Variants in SNAPC1 observed in about 807,000 individuals in gnomAD.
The protein encoded by SNAPC1 is small nuclear RNA activating complex polypeptide 1.
In SNAPC1, 42 loss-of-function variants were observed where a neutral mutation model predicts 50.1. The ratio of observed to expected loss-of-function variants is 0.84; its 90% CI spans 0.65 to 1.08. The LOEUF is 1.08. Among genes scored for constraint, SNAPC1 ranks in the 50% least tolerant of loss-of-function variants. The pLI, the probability that SNAPC1 is intolerant of heterozygous loss-of-function variation, is 0.00. For missense variants in SNAPC1, 477 were observed against 427.3 expected, an observed-to-expected ratio of 1.12 and a Z score of -1.02; for synonymous variants, 164 against 144.2, an observed-to-expected ratio of 1.14 and a Z score of -0.98.
At chr14:61,763,887 AG>A (rs2140172760) in intron 1 of SNAPC1, among the ~76,000 whole-genome samples, 1 of 152,306 alleles carries the variant, frequency 6.6e-6, no homozygotes, top group South Asian at 2.1e-4. Flanking sequence ...AGATTAAATG[AG>A]CTGATATATC....
At chr14:61,767,953 T>A (rs1037794549) in intron 3 of SNAPC1, among the ~76,000 whole-genome samples, 1 of 152,192 alleles carries the variant, frequency 6.6e-6, no homozygotes, top group African/African-American at 2.4e-5. Context: ...CTAATTTTTG[T>A]ATTTTTAGTA....
intron 9 of SNAPC1, 49 bp from the exon 10 acceptor site, chr14:61,794,900 T>C (rs377224529): frequency 1.5e-6 from 2 of 1,350,878 alleles, no homozygotes; most frequent in Non-Finnish European, 1.0e-6. Context: ...TTTTGTTTGT[T>C]TTTTTTTTGT....
rs137940550 is a variant in SNAPC1, at chr14:61,762,470, C to T, written c.10C>T (p.Pro4Ser). ...GCGGGCTTCGGGTGCCATGGGGACT[C>T]CTCCCGGCCTGCAGACCGACTGCGA... MGT[P>S]PGLQTDCEAL... The change falls in exon 1 of 10, where the codon CCT (proline) becomes TCT (serine). Residue 4 changes from proline to serine, a missense_variant. By Grantham distance (74) the Pro-to-Ser change is moderately conservative. Coordinates refer to ENST00000216294, the MANE Select transcript of SNAPC1 (RefSeq NM_003082.4). 1.7e-5 allele frequency: 28 copies of T among 1,613,418 alleles called. No homozygotes were observed. Among genetic ancestry groups the T allele is most frequent in the Admixed American group, 1.7e-4 (10 of 60,010 alleles).
chr14:61,767,156 A>T (rs2044954058), intron 2 of SNAPC1, 56 bp from the exon 3 acceptor site: 2 of 1,263,364 alleles, frequency 1.6e-6, no homozygotes, highest in Admixed American at 2.8e-5. Context: ...AAATTATAAT[A>T]TGTTTGTGAA....
chr14:61,772,587 G>A (rs140921603), intron 4 of SNAPC1, among the ~76,000 whole-genome samples: 6,159 of 152,180 alleles, frequency 0.04, 217 homozygotes, highest in Non-Finnish European at 0.062. Flanking sequence ...ACAAGGTCTT[G>A]CTATGTTGCC....
chr14:61,790,657 C>G (rs1400441472), intron 8 of SNAPC1, among the ~76,000 whole-genome samples: 1 of 152,050 alleles, frequency 6.6e-6, no homozygotes, highest in Non-Finnish European at 1.5e-5. Context: ...TTTTATCTGA[C>G]CAACTTTTTC....
In SNAPC1 at chr14:61,794,943, CT is replaced by C; in HGVS notation, c.1073-3del. ...TCTGACTGACTTTTAAACTTTATGT[CT>C]TTAGAGTTCACTGCATCCAAGAAGA... On this transcript the variant is annotated splice_polypyrimidine_tract_variant and splice_region_variant and intron_variant, in intron 9 of 9. Coordinates refer to ENST00000216294, the MANE Select transcript of SNAPC1 (RefSeq NM_003082.4). 1 of 1,564,062 alleles carries C rather than the reference CT, an allele frequency of 6.4e-7. No individual in the cohort carries two copies. Among genetic ancestry groups the C allele is most frequent in the Non-Finnish European group, 8.7e-7 (1 of 1,151,592 alleles).
chr14:61,787,141 A>G (rs2045120041), intron 8 of SNAPC1, among the ~76,000 whole-genome samples: 1 of 152,216 alleles, frequency 6.6e-6, no homozygotes, highest in South Asian at 2.1e-4. Context: ...GGGTAGGGGA[A>G]GGTATTAAAT....
rs889865003 is a variant in SNAPC1, at chr14:61,782,294, C to T, written c.873C>T (p.Asp291=). ...GTCAAGTCAAACTCGACTCTTCTGACTCTGATTCTGCATCTGGTCAAGGGC... is the reference window on the plus strand; with the variant it reads ...GTCAAGTCAAACTCGACTCTTCTGATTCTGATTCTGCATCTGGTCAAGGGC... ...RHRQVKLDSS[D]SDSASGQGQV... is the part of the protein sequence containing the mutation. The change falls in exon 8 of 10, where the codon GAC becomes GAT. Residue 291 remains aspartate, a synonymous_variant. Coordinates refer to ENST00000216294, the MANE Select transcript of SNAPC1 (RefSeq NM_003082.4). 2.5e-6 allele frequency: 4 copies of T among 1,612,276 alleles called. No homozygotes were observed. The highest frequency in any genetic ancestry group is 2.7e-5 in the African/African-American group (2 of 74,952).
At chr14:61,792,031 A>G (rs1214105930) in intron 8 of SNAPC1, among the ~76,000 whole-genome samples, 1 of 151,614 alleles carries the variant, frequency 6.6e-6, no homozygotes, top group African/African-American at 2.4e-5. Context: ...TGAACCCAGG[A>G]GGCAGAGGTT....
rs748722392 is a variant in SNAPC1, at chr14:61,762,441, GCGTGC to G, written c.-19_-15del. ...CGTTAGAGGCGTGCGGGCTTCGGAG[GCGTGC>G]GGGCTTCGGGTGCCATGGGGACTCC... is the stretch of plus-strand genomic sequence containing the variant. On this transcript the variant is annotated 5_prime_UTR_variant, in exon 1 of 10. Transcript: ENST00000216294. The G allele has an allele frequency of 9.8e-5, 158 of 1,610,572 alleles. No homozygotes were observed. Among genetic ancestry groups the G allele is most frequent in the Non-Finnish European group, 1.1e-4 (132 of 1,179,722 alleles).
At chr14:61,777,124 T>C (rs2045040062) in intron 5 of SNAPC1, among the ~76,000 whole-genome samples, 1 of 152,240 alleles carries the variant, frequency 6.6e-6, no homozygotes, top group South Asian at 2.1e-4. Flanking sequence ...TATCTATATA[T>C]TGTCCTTCAG....
intron 8 of SNAPC1, among the ~76,000 whole-genome samples, chr14:61,787,204 C>G (rs543508881): frequency 6.6e-6 from 1 of 152,148 alleles, no homozygotes; most frequent in African/African-American, 2.4e-5. Context: ...ATTTTCGTTG[C>G]AGTGGTAGAT....
chr14:61,774,165 CTT>C (rs377461957), intron 4 of SNAPC1, among the ~76,000 whole-genome samples: 1,677 of 136,330 alleles, frequency 0.012, 18 homozygotes, highest in African/African-American at 0.028. Flanking sequence ...TTTTCTTCTT[CTT>C]TTTTTTTTTT....
At position 61,778,063 on chromosome 14, in the gene SNAPC1, C is replaced by G; in HGVS notation, c.694-9C>G. 1 of 1,501,594 alleles carries G rather than the reference C, an allele frequency of 6.7e-7. No individual in the cohort carries two copies. The highest frequency in any genetic ancestry group is 9.1e-7 in the Non-Finnish European group (1 of 1,095,326). 93.0% of individuals were successfully genotyped at this position (1,501,594 alleles called of 1,614,324 possible). On this transcript the variant is annotated splice_polypyrimidine_tract_variant and intron_variant, in intron 5 of 9. Transcript: ENST00000216294. ...TGTATGTGTGTATGTATCTTTTTTG[C>G]TCTTTTAGAATCCATCCTTAAAGTC...
chr14:61,766,770 A>C, intron 1 of SNAPC1, 106 bp from the exon 2 acceptor site: 1 of 585,844 alleles, frequency 1.7e-6, no homozygotes, highest in Non-Finnish European at 2.9e-6. Context: ...CAGGTATGGA[A>C]TCCTCATCAA....
At position 61,778,210 on chromosome 14, in the gene SNAPC1, C is replaced by A; in HGVS notation, c.762+70C>A. On this transcript the variant is annotated intron_variant, in intron 6 of 9. Transcript: ENST00000216294. ...TATACTGAGCATTGTGACCCATGGT[C>A]AGTATTATAAGACATATAAGAGAAA... 4.4e-6 allele frequency: 4 copies of A among 903,770 alleles called. No homozygotes were observed. In the South Asian group the frequency reaches 4.8e-5, roughly 11 times the overall value. The allele number at this position is 903,770 out of a possible 1,614,324, so 56.0% of individuals were successfully genotyped here.
chr14:61,767,146 A>C lies in SNAPC1; in HGVS notation c.289-66A>C, dbSNP rs555011582. 65 of 1,218,734 alleles carry C rather than the reference A, an allele frequency of 5.3e-5. 1 individual carries two copies. In the South Asian group the frequency reaches 1.6e-3, roughly 30 times the overall value. 75.5% of individuals were successfully genotyped at this position (1,218,734 alleles called of 1,614,324 possible). ...ATTTAAATAAAATGCCAGTATTTTA[A>C]AATTATAATATGTTTGTGAAAAAAT... On this transcript the variant is annotated intron_variant, in intron 2 of 9. Coordinates refer to ENST00000216294, the MANE Select transcript of SNAPC1 (RefSeq NM_003082.4).
rs372293694 is a variant in SNAPC1 at position 61,768,754 on chromosome 14, T to C, written c.534+14T>C. The C allele has an allele frequency of 6.1e-5, 89 of 1,463,390 alleles. No homozygotes were observed. In the African/African-American group the frequency reaches 1.2e-3, roughly 19 times the overall value. The allele number at this position is 1,463,390 out of a possible 1,614,324, so 90.7% of individuals were successfully genotyped here. Reference sequence around the variant, plus strand: ...GATGTATTAGAGGTAAATTTTCTTTTATGCTCTTGAAAATTTTTAAAAATT... The same window carrying C: ...GATGTATTAGAGGTAAATTTTCTTTCATGCTCTTGAAAATTTTTAAAAATT... On this transcript the variant is annotated intron_variant, in intron 4 of 9. Coordinates refer to ENST00000216294, the MANE Select transcript of SNAPC1 (RefSeq NM_003082.4).
Sources: allele counts gnomAD v4.1 joint callset (sites outside exome capture counted in the v4.1 genomes callset), GRCh38; gene constraint gnomAD v4.1.1; transcripts MANE v1.5; gene names NCBI Gene and HGNC (gene_info 2026-07-23, HGNC 2026-07-21).